CLDN18: variants seen among roughly 807,000 people sequenced by gnomAD.
CLDN18 encodes claudin 18.
CLDN18 carries 20 observed loss-of-function variants against 25.0 expected under a neutral mutation model. The ratio of observed to expected loss-of-function variants is 0.80; its 90% CI spans 0.56 to 1.16. The LOEUF (loss-of-function observed/expected upper bound fraction) is 1.16. Ranked by LOEUF, CLDN18 falls within the 50% of genes most tolerant of loss-of-function variation. The pLI is 0.00. For missense variants in CLDN18, 297 were observed against 345.4 expected, an observed-to-expected ratio of 0.86 and a Z score of 1.11; for synonymous variants, 125 against 135.6, an observed-to-expected ratio of 0.92 and a Z score of 0.54.
At chr3:138,005,576 G>A (rs777720798), upstream of CLDN18, among the ~76,000 whole-genome samples, 4 of 151,802 alleles carry the variant, frequency 2.6e-5, no homozygotes, top group Admixed American at 6.6e-5. Context: ...ACTCATATTC[G>A]TTTTTTTCAA....
chr3:138,003,896 G>A (rs1384110769), intron 1 of CLDN18, among the ~76,000 whole-genome samples: 1 of 152,144 alleles, frequency 6.6e-6, no homozygotes, highest in Non-Finnish European at 1.5e-5. Context: ...TTTAGGCCCG[G>A]CACGGTGACT....
At chr3:138,010,582 G>A in intron 1 of CLDN18, 137 bp downstream of exon 1, 2 of 1,147,058 alleles carry the variant, frequency 1.7e-6, no homozygotes, top group East Asian at 5.2e-5. Context: ...TGAATAAAAG[G>A]AGAAGCTGGC....
upstream of CLDN18, chr3:138,009,930 G>A: frequency 2.6e-6 from 1 of 382,268 alleles, no homozygotes; most frequent in African/African-American, 2.0e-5. Flanking sequence ...AGGGAGGCCG[G>A]TCTGGCCCGG....
intron 3 of CLDN18, among the ~76,000 whole-genome samples, chr3:138,029,169 A>T (rs1359983428): frequency 6.6e-6 from 1 of 151,714 alleles, no homozygotes. Flanking sequence ...TTTTTTTTTC[A>T]GAGTCTCGCT....
In CLDN18 at chr3:138,031,999, G is replaced by A. The variant is rs902482254; in HGVS notation, c.*858G>A. On this transcript the variant is annotated 3_prime_UTR_variant, in exon 5 of 5. Coordinates refer to ENST00000183605, the MANE Select transcript of CLDN18 (RefSeq NM_016369.4). ...ATGAAAAAATAATTGCTTTGACATTGTCTATATGGTACTTTGTAAAGTCAT... is the reference window on the plus strand; with the variant it reads ...ATGAAAAAATAATTGCTTTGACATTATCTATATGGTACTTTGTAAAGTCAT... The A allele has an allele frequency of 6.6e-6, 1 of 152,146 alleles. No homozygotes were observed. The highest frequency in any genetic ancestry group is 1.5e-5 in the Non-Finnish European group (1 of 68,028). The allele number at this position is 152,146 out of a possible 1,614,324, so 9.4% of individuals were successfully genotyped here. A position where few individuals can be genotyped will look rare whatever the true frequency, so the allele number is the denominator to read the frequency against.
At chr3:138,028,862 T>C (rs535528140) in intron 3 of CLDN18, among the ~76,000 whole-genome samples, 84 of 152,342 alleles carry the variant, frequency 5.5e-4, no homozygotes, top group African/African-American at 1.9e-3. Context: ...TCTTGTGAGC[T>C]GGAACAGAAG....
At position 138,010,389 on chromosome 3, in the gene CLDN18, G is replaced by C. The variant is rs375872728; in HGVS notation, c.164G>C (p.Arg55Thr). The change falls in exon 1 of 5, where the codon AGG (arginine) becomes ACG (threonine). Residue 55 changes from arginine (R) to threonine (T), a missense_variant. By Grantham distance (71) the Arg-to-Thr change is moderately conservative. Transcript: ENST00000183605. ...GAAGGGCTCTGGAGGAGCTGCGTGA[G>C]GCAGAGTTCAGGCTTCACCGAATGC... ...QYEGLWRSCV[R>T]QSSGFTECRP... 6.2e-7 allele frequency: 1 copy of C among 1,614,244 alleles called. No homozygotes were observed. The highest frequency in any genetic ancestry group is 1.3e-5 in the African/African-American group (1 of 75,074).
At chr3:138,030,920 T>C in intron 4 of CLDN18, 50 bp from the exon 5 acceptor site, 1 of 1,523,666 alleles carries the variant, frequency 6.6e-7, no homozygotes, top group South Asian at 1.2e-5. Context: ...AGGAGGTTGG[T>C]CCTACTAACA....
chr3:138,006,986 G>C (rs932107260), upstream of CLDN18, among the ~76,000 whole-genome samples: 2 of 152,084 alleles, frequency 1.3e-5, no homozygotes, highest in Admixed American at 6.6e-5. Flanking sequence ...ACTGGGGGGG[G>C]AATTGCCATA....
chr3:138,026,031 C>T (rs1003540626), intron 3 of CLDN18, among the ~76,000 whole-genome samples: 2 of 152,214 alleles, frequency 1.3e-5, no homozygotes, highest in South Asian at 2.1e-4. Context: ...ACTTCTCCCT[C>T]CATGGATGGG....
chr3:138,026,821 C>T (rs1050203070), intron 3 of CLDN18, among the ~76,000 whole-genome samples: 4 of 152,122 alleles, frequency 2.6e-5, no homozygotes, highest in Non-Finnish European at 4.4e-5. Context: ...AGGTGAAGCC[C>T]TGAACTCAGC....
intron 1 of CLDN18, among the ~76,000 whole-genome samples, chr3:138,020,735 T>G (rs531130399): frequency 4.3e-4 from 65 of 152,330 alleles, no homozygotes; most frequent in African/African-American, 1.4e-3. Context: ...GGCCAGCTTA[T>G]TCCCTAAGAA....
intron 1 of CLDN18, among the ~76,000 whole-genome samples, chr3:138,000,743 G>A (rs1288972180): frequency 6.6e-6 from 1 of 152,158 alleles, no homozygotes; most frequent in Non-Finnish European, 1.5e-5. Context: ...CTCCACTAAG[G>A]ACCAGAAGGA....
At chr3:138,008,405 G>T (rs552019171), upstream of CLDN18, among the ~76,000 whole-genome samples, 215 of 151,904 alleles carry the variant, frequency 1.4e-3, 2 homozygotes, top group African/African-American at 5.1e-3. Flanking sequence ...GGAGTTCGAG[G>T]CCAGCCTGAC....
upstream of CLDN18, among the ~76,000 whole-genome samples, chr3:138,007,332 G>C (rs1942079754): frequency 6.6e-6 from 1 of 152,108 alleles, no homozygotes; most frequent in African/African-American, 2.4e-5. Flanking sequence ...ATAAAATGTG[G>C]TACATATACA....
At chr3:138,022,137 C>T (rs1270567069) in intron 1 of CLDN18, among the ~76,000 whole-genome samples, 1 of 152,104 alleles carries the variant, frequency 6.6e-6, no homozygotes, top group African/African-American at 2.4e-5. Flanking sequence ...AAGGAAACCA[C>T]GGACTCCCAA....
intron 1 of CLDN18, among the ~76,000 whole-genome samples, chr3:138,004,213 C>G (rs974069067): frequency 1.3e-5 from 2 of 152,032 alleles, no homozygotes; most frequent in East Asian, 3.8e-4. Flanking sequence ...TTGCAACTAC[C>G]CTATGAAGTA....
Position 138,010,442 on chromosome 3 carries a change from C to A in CLDN18, c.217C>A (p.Pro73Thr). ...CRPYFTILGL[P>T]AMLQAVRALM... ...GCCCTATTTCACCATCCTGGGACTTCCAGGTAGGCACCGTGCACCCCGGGG... is the reference window on the plus strand; with the variant it reads ...GCCCTATTTCACCATCCTGGGACTTACAGGTAGGCACCGTGCACCCCGGGG... The change falls in exon 1 of 5, where the codon CCA becomes ACA. Residue 73 changes from proline to threonine, a missense_variant. Coordinates refer to ENST00000183605, the MANE Select transcript of CLDN18 (RefSeq NM_016369.4). The A allele has an allele frequency of 6.2e-7, 1 of 1,614,196 alleles. No homozygotes were observed. Among genetic ancestry groups the A allele is most frequent in the Non-Finnish European group, 8.5e-7 (1 of 1,180,008 alleles).
chr3:138,025,689 T>G (rs6766201), intron 3 of CLDN18, among the ~76,000 whole-genome samples: 16,942 of 152,224 alleles, frequency 0.11, 1,046 homozygotes, highest in Non-Finnish European at 0.12. Context: ...TAGTTACAGG[T>G]GCAACTTAGA....
Sources: allele counts gnomAD v4.1 joint callset (sites outside exome capture counted in the v4.1 genomes callset), GRCh38; gene constraint gnomAD v4.1.1; transcripts MANE v1.5; gene names NCBI Gene and HGNC (gene_info 2026-07-23, HGNC 2026-07-21).